RYR2: variants seen among roughly 807,000 people sequenced by gnomAD.
The protein encoded by RYR2 is ryanodine receptor 2.
In RYR2, 227 loss-of-function variants were observed where a neutral mutation model predicts 601.1. That is an observed-to-expected ratio of 0.38 (90% CI 0.34 to 0.42). The LOEUF is 0.42. Among genes scored for constraint, RYR2 ranks in the 10% least tolerant of loss-of-function variants. The pLI is 1.00. For synonymous variants in RYR2, 2,223 were observed against 2,175.1 expected (o/e 1.02, Z -0.61); for missense variants, 4,646 against 6,156.5 (o/e 0.75, Z 8.21).
chr1:237,304,241 C>T (rs1693655667), intron 2 of RYR2, among the ~76,000 whole-genome samples: 1 of 152,160 alleles, frequency 6.6e-6, no homozygotes. Flanking sequence ...TGAGGAAAGC[C>T]TGCTGGCTAG....
intron 82 of RYR2, among the ~76,000 whole-genome samples, chr1:237,758,937 GGA>G (rs1173537888): frequency 6.6e-6 from 1 of 152,046 alleles, no homozygotes; most frequent in Non-Finnish European, 1.5e-5. Context: ...CATAGATTCT[GGA>G]CGTCATTCTG....
chr1:237,478,418 T>C (rs1558887123), intron 17 of RYR2, among the ~76,000 whole-genome samples: 1 of 152,236 alleles, frequency 6.6e-6, no homozygotes, highest in East Asian at 1.9e-4. Context: ...CAAATGTGCT[T>C]ATTAAATTAA....
intron 95 of RYR2, 41 bp downstream of exon 95, chr1:237,794,038 T>G (rs1658787927): frequency 6.4e-7 from 1 of 1,563,836 alleles, no homozygotes; most frequent in Non-Finnish European, 8.7e-7. Context: ...ACTCAAAAAT[T>G]TCAGACATGA....
chr1:237,379,379 T>G (rs1701272029), intron 8 of RYR2, among the ~76,000 whole-genome samples: 1 of 152,214 alleles, frequency 6.6e-6, no homozygotes, highest in Non-Finnish European at 1.5e-5. Context: ...AGTCATCTAA[T>G]TCTCTGAACT....
intron 16 of RYR2, among the ~76,000 whole-genome samples, chr1:237,458,725 T>G (rs1201153766): frequency 7.1e-6 from 1 of 140,054 alleles, no homozygotes; most frequent in Non-Finnish European, 1.6e-5. Context: ...AGAAAGGAGA[T>G]AATGCAAAAA....
chr1:237,546,786 T>G (rs538156611), intron 25 of RYR2, among the ~76,000 whole-genome samples: 24 of 151,948 alleles, frequency 1.6e-4, no homozygotes, highest in Admixed American at 1.2e-3. Flanking sequence ...ATTGCTGTAA[T>G]ATATTGATTC....
chr1:237,787,889 G>A (rs1657849090), intron 91 of RYR2, 99 bp from the exon 92 acceptor site: 2 of 1,133,438 alleles, frequency 1.8e-6, no homozygotes, highest in Non-Finnish European at 2.5e-6. Context: ...AAAGTAATAT[G>A]ATGGCCTAAA....
intron 1 of RYR2, among the ~76,000 whole-genome samples, chr1:237,143,301 C>T (rs553704095): frequency 6.6e-6 from 1 of 152,186 alleles, no homozygotes; most frequent in African/African-American, 2.4e-5. Flanking sequence ...GCCACAGTGT[C>T]AGGGTCCCGC....
intron 63 of RYR2, among the ~76,000 whole-genome samples, chr1:237,689,233 A>G (rs1161419797): frequency 6.6e-6 from 1 of 152,174 alleles, no homozygotes; most frequent in East Asian, 1.9e-4. Flanking sequence ...ACACCACTGT[A>G]CTCTCATCTA....
rs529267817 is a variant in RYR2 at position 237,378,283 on chromosome 1, C to G, written c.576+848C>G. On this transcript the variant is annotated intron_variant, in intron 8 of 104. Transcript: ENST00000366574. ...TCAAGATGAGATTCGGGTGGGGACA[C>G]AGCCGAACCATATCAAATGCATTTT... Among the ~76,000 whole-genome samples, 9 of 152,326 alleles carry G rather than the reference C, an allele frequency of 5.9e-5. No homozygotes were observed. In the East Asian group the frequency reaches 1.5e-3, roughly 26 times the overall value.
chr1:237,044,963 T>TTG (rs894379439), intron 1 of RYR2, among the ~76,000 whole-genome samples: 4 of 151,812 alleles, frequency 2.6e-5, no homozygotes, highest in Non-Finnish European at 4.4e-5. Flanking sequence ...CTTCTTTTTT[T>TTG]TTTTTTTTAA....
At chr1:237,385,311 G>T (rs1457308635) in intron 8 of RYR2, among the ~76,000 whole-genome samples, 1 of 152,066 alleles carries the variant, frequency 6.6e-6, no homozygotes, top group African/African-American at 2.4e-5. Flanking sequence ...ACAAAATGCT[G>T]TACCTCAGTA....
chr1:237,669,139 T>C (rs1278581508), intron 58 of RYR2, among the ~76,000 whole-genome samples: 1 of 139,552 alleles, frequency 7.2e-6, no homozygotes, highest in African/African-American at 2.5e-5. Flanking sequence ...CCGTCCTTAA[T>C]CCATTTAACC....
At chr1:237,765,899 T>G (rs191364233) in intron 84 of RYR2, among the ~76,000 whole-genome samples, 1 of 152,310 alleles carries the variant, frequency 6.6e-6, no homozygotes, top group Non-Finnish European at 1.5e-5. Flanking sequence ...TAGACAGACT[T>G]GTAAACAAAT....
intron 62 of RYR2, among the ~76,000 whole-genome samples, chr1:237,686,403 C>T (rs969710481): frequency 3.9e-5 from 6 of 152,048 alleles, no homozygotes; most frequent in Non-Finnish European, 8.8e-5. Context: ...CCTCTTGCAG[C>T]CTGGGTTGGG....
intron 19 of RYR2, among the ~76,000 whole-genome samples, 194 bp downstream of exon 19, chr1:237,493,281 A>T (rs961750035): frequency 6.6e-6 from 1 of 152,160 alleles, no homozygotes; most frequent in African/African-American, 2.4e-5. Flanking sequence ...CTAGCAAAAT[A>T]TGGATTTGCC....
chr1:237,321,343 T>C (rs1490195980), intron 2 of RYR2, among the ~76,000 whole-genome samples: 1 of 152,218 alleles, frequency 6.6e-6, no homozygotes, highest in Non-Finnish European at 1.5e-5. Context: ...AGGTGTTGAA[T>C]GTCTCAGTCT....
chr1:237,116,311 T>G (rs1670074621), intron 1 of RYR2, among the ~76,000 whole-genome samples: 2 of 152,090 alleles, frequency 1.3e-5, no homozygotes, highest in Admixed American at 1.3e-4. Context: ...CTTTCTTCAT[T>G]TAAGGATTTA....
chr1:237,138,838 A>T (rs1212924889), intron 1 of RYR2, among the ~76,000 whole-genome samples: 1 of 152,212 alleles, frequency 6.6e-6, no homozygotes, highest in Non-Finnish European at 1.5e-5. Flanking sequence ...TGCAAACTCA[A>T]TCTGCAATGA....
Sources: gnomAD v4.1 joint callset for allele counts (sites outside exome capture counted in the v4.1 genomes callset) on GRCh38, gnomAD v4.1.1 for gene constraint, MANE v1.5 for transcripts, NCBI Gene and HGNC (gene_info 2026-07-23, HGNC 2026-07-21) for gene names.